The following DOCK1 variants were observed in gnomAD, a reference collection of about 807,000 sequenced individuals.
DOCK1 encodes dedicator of cytokinesis 1.
DOCK1 carries 138 observed loss-of-function variants against 262.7 expected under a neutral mutation model. The observed-to-expected ratio is 0.53, with a 90% CI of 0.46 to 0.61. DOCK1 has a LOEUF of 0.61. DOCK1 is among the 20% of genes least tolerant of loss of function. DOCK1 has a pLI of 0.00. For synonymous variants in DOCK1, 866 were observed against 867.4 expected, an observed-to-expected ratio of 1.00 and a Z score of 0.03; for missense variants, 1,908 against 2,370.7, an observed-to-expected ratio of 0.80 and a Z score of 4.05.
rs2067315166 is a variant in DOCK1, at chr10:127,403,066, G to A, written c.3939G>A (p.Glu1313=). The change falls in exon 39 of 52, where the codon GAG becomes GAA. Residue 1313 remains glutamate, a synonymous_variant. Transcript: ENST00000623213. ...HYFDKGKMWE[E]AIALGKELAE... The stretch of plus-strand genomic sequence containing the variant: ...ATTTTAACTCACAGATGTGGGAGGA[G>A]GCCATTGCCTTGGGCAAGGAGCTAG... 6.2e-7 allele frequency: 1 copy of A among 1,611,980 alleles called. No homozygotes were observed. Among genetic ancestry groups the A allele is most frequent in the African/African-American group, 1.3e-5 (1 of 75,038 alleles).
At chr10:127,002,266 A>G (rs757111545) in intron 10 of DOCK1, among the ~76,000 whole-genome samples, 5 of 152,184 alleles carry the variant, frequency 3.3e-5, no homozygotes, top group Non-Finnish European at 7.3e-5. Context: ...TCTTTTCAAC[A>G]GCAGAGCTAC....
At chr10:127,271,616 A>C (rs958902173) in intron 29 of DOCK1, among the ~76,000 whole-genome samples, 7 of 152,290 alleles carry the variant, frequency 4.6e-5, no homozygotes, top group Admixed American at 4.6e-4. Flanking sequence ...GCATTTGTGC[A>C]TGGGTCTTTG....
At chr10:127,195,161 G>T (rs1040427894) in intron 27 of DOCK1, among the ~76,000 whole-genome samples, 1 of 152,148 alleles carries the variant, frequency 6.6e-6, no homozygotes, top group Non-Finnish European at 1.5e-5. Context: ...TCCAAGCAGT[G>T]GGGACATCAG....
rs765993414 is a variant in DOCK1 at position 127,153,842 on chromosome 10, G to C, written c.2847+26078G>C. ...AATAAGAAAGTGGGAAGAGGAGAAT[G>C]TTAACATACCTATAGATAATACATG... On this transcript the variant is annotated intron_variant, in intron 27 of 51. Transcript: ENST00000623213. 2.5e-6 allele frequency: 4 copies of C among 1,600,640 alleles called. No homozygotes were observed. In the Middle Eastern group the frequency reaches 6.6e-4, roughly 265 times the overall value.
At chr10:127,149,544 C>T (rs1375499926) in intron 27 of DOCK1, among the ~76,000 whole-genome samples, 1 of 152,168 alleles carries the variant, frequency 6.6e-6, no homozygotes, top group Non-Finnish European at 1.5e-5. Context: ...ACACAGTATC[C>T]TTTTCATCTC....
chr10:127,176,605 T>G lies in DOCK1; in HGVS notation c.2847+48841T>G, dbSNP rs575399763. On this transcript the variant is annotated intron_variant, in intron 27 of 51. Coordinates refer to ENST00000623213, the MANE Select transcript of DOCK1 (RefSeq NM_001290223.2). This position sits in a 1 kb window ranked among gnomAD's most constrained non-coding sequence, Gnocchi z 4.4. ...GAAATGCTTCTCAGATATTAAAGCCTGCTTGCTTTTCCAGGTGGGATACAC... is the reference window on the plus strand; with the variant it reads ...GAAATGCTTCTCAGATATTAAAGCCGGCTTGCTTTTCCAGGTGGGATACAC... Among the ~76,000 whole-genome samples the G allele has an allele frequency of 3.9e-5, 6 of 152,346 alleles. No individual in the cohort carries two copies. In the East Asian group the frequency reaches 9.6e-4, roughly 24 times the overall value.
intron 27 of DOCK1, among the ~76,000 whole-genome samples, chr10:127,224,921 G>C (rs1420979598): frequency 4.6e-5 from 7 of 152,060 alleles, no homozygotes; most frequent in Non-Finnish European, 1.0e-4. Flanking sequence ...TAATGAATGT[G>C]AATGTTATCT....
intron 27 of DOCK1, among the ~76,000 whole-genome samples, chr10:127,218,238 T>C (rs548191866): frequency 1.3e-5 from 2 of 152,374 alleles, no homozygotes; most frequent in South Asian, 2.1e-4. Context: ...GACTTAACAA[T>C]TGAAATTGTT....
Position 127,003,773 on chromosome 10 carries a change from G to T in DOCK1, c.985+3466G>T, listed in dbSNP as rs186368168. Among the ~76,000 whole-genome samples the T allele has an allele frequency of 3.9e-5, 6 of 152,232 alleles. No homozygotes were observed. In the East Asian group the frequency reaches 1.2e-3, roughly 29 times the overall value. ...GTTCGAGACCAGCCTGGCCAACATGGTAAAACCTCCTATCTACGAAAAATA... is the reference window on the plus strand; with the variant it reads ...GTTCGAGACCAGCCTGGCCAACATGTTAAAACCTCCTATCTACGAAAAATA... On this transcript the variant is annotated intron_variant, in intron 10 of 51. Coordinates refer to ENST00000623213, the MANE Select transcript of DOCK1 (RefSeq NM_001290223.2).
chr10:127,345,954 C>G (rs926095796), intron 31 of DOCK1, among the ~76,000 whole-genome samples: 8 of 152,204 alleles, frequency 5.3e-5, no homozygotes, highest in Admixed American at 1.3e-4. Flanking sequence ...TGCGGCACAA[C>G]GCACTTCAAC....
At chr10:127,223,138 A>G (rs2058504478) in intron 27 of DOCK1, among the ~76,000 whole-genome samples, 1 of 152,220 alleles carries the variant, frequency 6.6e-6, no homozygotes, top group South Asian at 2.1e-4. Context: ...ATAAATCAAT[A>G]CTGAAAATCT....
chr10:127,092,625 G>C (rs1433786430), intron 23 of DOCK1, among the ~76,000 whole-genome samples: 2 of 151,818 alleles, frequency 1.3e-5, no homozygotes, highest in African/African-American at 4.8e-5. Flanking sequence ...CTGGGACTTG[G>C]TACCCACCAC....
intron 27 of DOCK1, among the ~76,000 whole-genome samples, chr10:127,243,252 G>A (rs532545435): frequency 6.6e-6 from 1 of 152,178 alleles, no homozygotes; most frequent in South Asian, 2.1e-4. Flanking sequence ...CTTCCACTAG[G>A]CATAGTTGAC....
chr10:127,200,502 T>G (rs1244014798), intron 27 of DOCK1, among the ~76,000 whole-genome samples: 1 of 151,912 alleles, frequency 6.6e-6, no homozygotes, highest in Non-Finnish European at 1.5e-5. Flanking sequence ...TACTGCAACC[T>G]CCATCTCCCA....
chr10:126,956,093 C>T (rs1308681636), intron 1 of DOCK1, among the ~76,000 whole-genome samples: 7 of 152,158 alleles, frequency 4.6e-5, no homozygotes, highest in South Asian at 2.1e-4. Context: ...TGGAAATGCC[C>T]GCGTCTCTGC....
chr10:126,907,197 G>A (rs1408302014), intron 1 of DOCK1, among the ~76,000 whole-genome samples: 2 of 152,142 alleles, frequency 1.3e-5, no homozygotes, highest in Non-Finnish European at 2.9e-5. Context: ...GGTCCCTGCG[G>A]GGGTAGTGTG....
In DOCK1 at chr10:127,415,340, G is replaced by A. The variant is rs527646311; in HGVS notation, c.4515+102G>A. 488 of 1,138,488 alleles carry A rather than the reference G, an allele frequency of 4.3e-4. 2 individuals carry two copies. The Middle Eastern group carries it at 4.5e-3, about 11-fold the overall frequency. The allele number at this position is 1,138,488 out of a possible 1,614,324, so 70.5% of individuals were successfully genotyped here. A position where few individuals can be genotyped will look rare whatever the true frequency, so the allele number is the denominator to read the frequency against. On this transcript the variant is annotated intron_variant, in intron 44 of 51. Coordinates refer to ENST00000623213, the MANE Select transcript of DOCK1 (RefSeq NM_001290223.2). ...CATGCCCCGTGGTCACTGTGGCAGC[G>A]TGCACACAGCAGACTCTACAGTTCC...
intron 27 of DOCK1, among the ~76,000 whole-genome samples, chr10:127,203,928 G>A (rs932270053): frequency 1.3e-4 from 19 of 150,568 alleles, no homozygotes; most frequent in African/African-American, 3.9e-4. Context: ...TTCAAAGAAA[G>A]GCAGGGAATT....
chr10:127,309,220 G>T (rs763324010), intron 29 of DOCK1, among the ~76,000 whole-genome samples: 2 of 151,706 alleles, frequency 1.3e-5, no homozygotes, highest in Non-Finnish European at 2.9e-5. Context: ...ACATTTGTTG[G>T]CACCATGAAT....
Sources: gnomAD v4.1 joint callset for allele counts (sites outside exome capture counted in the v4.1 genomes callset) on GRCh38, gnomAD v4.1.1 for gene constraint, Gnocchi (gnomAD v3.1) non-coding constraint, MANE v1.5 for transcripts, NCBI Gene and HGNC (gene_info 2026-07-23, HGNC 2026-07-21) for gene names.